Variants in HECW1 observed in about 807,000 individuals in gnomAD.
The protein encoded by HECW1 is HECT, C2 and WW domain containing E3 ubiquitin protein ligase 1.
HECW1 carries 61 observed loss-of-function variants against 182.3 expected under a neutral mutation model. The ratio of observed to expected loss-of-function variants is 0.33; its 90% CI spans 0.27 to 0.41. The LOEUF is 0.41. Among genes scored for constraint, HECW1 ranks in the 10% least tolerant of loss-of-function variants. The probability of loss-of-function intolerance (pLI) is 1.00; values close to 1 mark genes in which losing one functional copy is unlikely to be tolerated. For missense variants in HECW1, 1,739 were observed against 2,108.9 expected, an observed-to-expected ratio of 0.82 and a Z score of 3.44; for synonymous variants, 859 against 832.6, an observed-to-expected ratio of 1.03 and a Z score of -0.55.
chr7:43,262,249 T>C (rs1288928953), intron 3 of HECW1, among the ~76,000 whole-genome samples: 4 of 150,554 alleles, frequency 2.7e-5, no homozygotes, highest in East Asian at 1.9e-4. Flanking sequence ...TATGTGTGCG[T>C]GTGTGTGTGT....
rs540704642 is a variant in HECW1 at position 43,262,472 on chromosome 7, A to G, written c.27+18540A>G. The stretch of plus-strand genomic sequence containing the variant: ...AAGTCCTGGGCTTTCCCAGGACCCT[A>G]TAGCTATGGAGGCAGAGATGAGATT... On this transcript the variant is annotated intron_variant, in intron 3 of 29. Transcript: ENST00000395891. 9.2e-5 allele frequency among the ~76,000 whole-genome samples: 14 copies of G among 152,236 alleles called. No individual in the cohort carries two copies. The South Asian group carries it at 2.7e-3, about 29-fold the overall frequency.
chr7:43,158,223 T>C (rs1562609869), intron 2 of HECW1, among the ~76,000 whole-genome samples: 1 of 152,186 alleles, frequency 6.6e-6, no homozygotes, highest in Non-Finnish European at 1.5e-5. Context: ...GCAATACAGG[T>C]TGACCAATAT....
Position 43,113,673 on chromosome 7 carries a change from G to T in HECW1, c.-266-484G>T, listed in dbSNP as rs79929953. 257 of 94,156 alleles carry T rather than the reference G, an allele frequency of 2.7e-3. 1 individual carries two copies. Among genetic ancestry groups the T allele is most frequent in the East Asian group, 5.4e-3 (37 of 6,790 alleles). The allele number at this position is 94,156 out of a possible 1,614,324, so 5.8% of individuals were successfully genotyped here. On this transcript the variant is annotated intron_variant, in intron 1 of 29. Coordinates refer to ENST00000395891, the MANE Select transcript of HECW1 (RefSeq NM_015052.5). ...GGGAGGGAGCTGCCGGGGCGGGGAG[G>T]GGGGGGGAATGCGTCCGGTCCATTT...
chr7:43,351,182 C>A (rs1298215640), intron 5 of HECW1, among the ~76,000 whole-genome samples: 1 of 152,182 alleles, frequency 6.6e-6, no homozygotes, highest in Non-Finnish European at 1.5e-5. Flanking sequence ...CAGGCTGTTA[C>A]TGGGGGTTAT....
chr7:43,360,368 A>G (rs946782744), intron 5 of HECW1, among the ~76,000 whole-genome samples: 2 of 152,126 alleles, frequency 1.3e-5, no homozygotes, highest in Non-Finnish European at 2.9e-5. Context: ...GCGTGCTACC[A>G]CTGCCAGCTA....
At chr7:43,558,609 C>G (rs557187434) in intron 29 of HECW1, among the ~76,000 whole-genome samples, 12 of 152,228 alleles carry the variant, frequency 7.9e-5, no homozygotes, top group Non-Finnish European at 1.6e-4. Flanking sequence ...AAACATCTCA[C>G]AATGCACAAA....
chr7:43,557,587 G>A (rs1409715994), intron 29 of HECW1, among the ~76,000 whole-genome samples: 1 of 152,226 alleles, frequency 6.6e-6, no homozygotes, highest in African/African-American at 2.4e-5. Context: ...TGTGGACTTA[G>A]TTGCCACACA....
At chr7:43,208,888 G>T (rs1795735599) in intron 2 of HECW1, among the ~76,000 whole-genome samples, 1 of 152,154 alleles carries the variant, frequency 6.6e-6, no homozygotes. Flanking sequence ...CACACTCTTG[G>T]AGGCTGAGGC....
At chr7:43,341,831 T>C (rs1028283721) in intron 5 of HECW1, among the ~76,000 whole-genome samples, 1 of 151,852 alleles carries the variant, frequency 6.6e-6, no homozygotes, top group Non-Finnish European at 1.5e-5. Flanking sequence ...CAATATGACA[T>C]TCTGTAATAC....
intron 16 of HECW1, among the ~76,000 whole-genome samples, chr7:43,473,866 G>A (rs1017181585): frequency 1.3e-5 from 2 of 152,040 alleles, no homozygotes; most frequent in East Asian, 1.9e-4. Context: ...ACAAAAAATT[G>A]CAAAGAAGAT....
chr7:43,431,299 A>G (rs11975352), intron 8 of HECW1, among the ~76,000 whole-genome samples: 3,888 of 152,144 alleles, frequency 0.026, 161 homozygotes, highest in African/African-American at 0.085. Flanking sequence ...CTCTATTTCC[A>G]TCATTCTGTT....
chr7:43,301,004 A>G (rs904626460), intron 3 of HECW1, among the ~76,000 whole-genome samples: 7 of 152,214 alleles, frequency 4.6e-5, no homozygotes, highest in South Asian at 2.1e-4. Context: ...CTTGGCATTC[A>G]GGAGAGCTAT....
intron 19 of HECW1, among the ~76,000 whole-genome samples, chr7:43,493,538 C>T (rs1448049907): frequency 6.6e-6 from 1 of 151,970 alleles, no homozygotes; most frequent in Non-Finnish European, 1.5e-5. Flanking sequence ...AACGGTAAAC[C>T]AAATATTGAG....
intron 9 of HECW1, chr7:43,438,721 C>T (rs1166730225): frequency 6.6e-6 from 1 of 152,238 alleles, no homozygotes; most frequent in African/African-American, 2.4e-5. Flanking sequence ...CTTTTACATT[C>T]ATGTCCACTC....
intron 3 of HECW1, among the ~76,000 whole-genome samples, chr7:43,263,027 C>T (rs1176151014): frequency 6.6e-6 from 1 of 152,206 alleles, no homozygotes; most frequent in African/African-American, 2.4e-5. Flanking sequence ...ATCAAAATGA[C>T]AAGAGTGGTT....
intron 2 of HECW1, among the ~76,000 whole-genome samples, chr7:43,223,131 A>G (rs1461615202): frequency 6.6e-6 from 1 of 152,192 alleles, no homozygotes; most frequent in Non-Finnish European, 1.5e-5. Context: ...TTCTCTTTCT[A>G]TCCTGCTCCA....
At chr7:43,160,506 A>G (rs1442233025) in intron 2 of HECW1, among the ~76,000 whole-genome samples, 1 of 152,142 alleles carries the variant, frequency 6.6e-6, no homozygotes, top group African/African-American at 2.4e-5. Flanking sequence ...TTTTCCCTCC[A>G]TAAATGTCCT....
In HECW1 at chr7:43,542,131, C is replaced by T. The variant is rs1361048051; in HGVS notation, c.4248+133C>T. 4 of 718,004 alleles carry T rather than the reference C, an allele frequency of 5.6e-6. No individual in the cohort carries two copies. The East Asian group carries it at 1.6e-4, about 29-fold the overall frequency. The allele number at this position is 718,004 out of a possible 1,614,324, so 44.5% of individuals were successfully genotyped here. A position where few individuals can be genotyped will look rare whatever the true frequency, so the allele number is the denominator to read the frequency against. The stretch of plus-strand genomic sequence containing the variant: ...TCAGTATATCCACATTGTTGGCCAT[C>T]CAATCTCCAGAACTTTTTCATCTTG... On this transcript the variant is annotated intron_variant, in intron 26 of 29. Transcript: ENST00000395891.
intron 26 of HECW1, among the ~76,000 whole-genome samples, chr7:43,547,066 C>A (rs1355459566): frequency 6.6e-6 from 1 of 152,230 alleles, no homozygotes; most frequent in African/African-American, 2.4e-5. Flanking sequence ...CTTATCTTGA[C>A]ATTTTTTTCA....
Sources: allele counts gnomAD v4.1 joint callset (sites outside exome capture counted in the v4.1 genomes callset), GRCh38; gene constraint gnomAD v4.1.1; transcripts MANE v1.5; gene names NCBI Gene and HGNC (gene_info 2026-07-23, HGNC 2026-07-21).